LCK: variants seen among roughly 807,000 people sequenced by gnomAD.
LCK encodes the protein tyrosine-protein kinase Lck.
A neutral mutation model predicts 64.6 loss-of-function variants in LCK; 14 were observed. The ratio of observed to expected loss-of-function variants is 0.22; its 90% CI spans 0.14 to 0.34. The LOEUF (loss-of-function observed/expected upper bound fraction) is 0.34, where lower values mean the gene tolerates loss of function less well. Among genes scored for constraint, LCK ranks in the 10% least tolerant of loss-of-function variants. The probability of loss-of-function intolerance (pLI) is 1.00; values close to 1 mark genes in which losing one functional copy is unlikely to be tolerated. For synonymous variants in LCK, 277 were observed against 263.6 expected (o/e 1.05, Z -0.49); for missense variants, 434 against 668.1 (o/e 0.65, Z 3.86).
chr1:32,263,615 T>A (rs1639839536), intron 1 of LCK, among the ~76,000 whole-genome samples: 1 of 152,028 alleles, frequency 6.6e-6, no homozygotes, highest in Admixed American at 6.6e-5. Context: ...GGCTTATGCC[T>A]GTAATCCCAG....
chr1:32,270,347 A>G (rs1640043341), intron 1 of LCK, among the ~76,000 whole-genome samples: 1 of 142,882 alleles, frequency 7.0e-6, no homozygotes. Flanking sequence ...CAGGTGATCC[A>G]CCCACCTTGG....
intron 1 of LCK, among the ~76,000 whole-genome samples, chr1:32,272,814 G>A (rs79979643): frequency 0.12 from 17,619 of 149,922 alleles, 1,229 homozygotes; most frequent in Non-Finnish European, 0.16. Context: ...GTGTGTGTGA[G>A]TGTGGGTGTG....
Position 32,276,446 on chromosome 1 carries a change from G to C in LCK, c.741G>C (p.Leu247=). Reference sequence around the variant, plus strand: ...AGGTTCCCAGGGAGACGCTGAAGCTGGTGGAGCGGCTGGGGGCTGGACAGT... The same window carrying C: ...AGGTTCCCAGGGAGACGCTGAAGCTCGTGGAGCGGCTGGGGGCTGGACAGT... ...EWEVPRETLK[L]VERLGAGQFG... The change falls in exon 8 of 13, where the codon CTG becomes CTC. Residue 247 remains leucine, a synonymous_variant. Transcript: ENST00000336890. This position sits in a 1 kb window ranked among gnomAD's most constrained non-coding sequence, Gnocchi z 4.6. 1 of 1,613,030 alleles carries C rather than the reference G, an allele frequency of 6.2e-7. No homozygotes were observed. Among genetic ancestry groups the C allele is most frequent in the African/African-American group, 1.3e-5 (1 of 75,018 alleles).
intron 12 of LCK, 21 bp downstream of exon 12, chr1:32,280,231 C>G: frequency 6.2e-7 from 1 of 1,613,636 alleles, no homozygotes; most frequent in East Asian, 2.2e-5. Context: ...AGGGCAGGAA[C>G]TGAAAGGGTG....
rs549950952 is a variant in LCK, at chr1:32,262,194, G to A, written c.-6+10823G>A. 1.5e-4 allele frequency among the ~76,000 whole-genome samples: 21 copies of A among 142,232 alleles called. 1 individual carries two copies. The highest frequency in any genetic ancestry group is 4.9e-4 in the African/African-American group (19 of 38,958). The allele number at this position is 142,232 out of a possible 152,430, so 93.3% of individuals were successfully genotyped here. ...CCACGGCCCCCGGTAGCCGGACGCC[G>A]GCCACTAATTATATAGCTGAGCATG... On this transcript the variant is annotated intron_variant, in intron 1 of 12. Coordinates refer to ENST00000336890, the MANE Select transcript of LCK (RefSeq NM_005356.5).
At chr1:32,282,418 A>T (rs1569975085) in intron 12 of LCK, among the ~76,000 whole-genome samples, 1 of 152,194 alleles carries the variant, frequency 6.6e-6, no homozygotes, top group African/African-American at 2.4e-5. Context: ...ACCCAAAAAA[A>T]CAGATCTTTT....
rs1171182551 is a variant in LCK at position 32,275,460 on chromosome 1, T to C, written c.377+41T>C. On this transcript the variant is annotated intron_variant, in intron 5 of 12. Transcript: ENST00000336890. This position sits in a 1 kb window ranked among gnomAD's most constrained non-coding sequence, Gnocchi z 6.9. Reference sequence around the variant, plus strand: ...TCGTGGGGGTGGGTAGGAGCAGATCTAGGGATCCTGGAGCAGGGAGTAGGC... The same window carrying C: ...TCGTGGGGGTGGGTAGGAGCAGATCCAGGGATCCTGGAGCAGGGAGTAGGC... 1.2e-6 allele frequency: 2 copies of C among 1,601,840 alleles called. No homozygotes were observed. Among genetic ancestry groups the C allele is most frequent in the African/African-American group, 2.7e-5 (2 of 74,630 alleles).
rs770430504 is a variant in LCK, at chr1:32,280,443, C to CTT, written c.1327+262_1327+263dup. ...TTTCTTTTTCTCTTTTTTTCTTTTT[C>CTT]TTTTTTTTTTTTTTTTTTTTTTTTT... On this transcript the variant is annotated intron_variant, in intron 12 of 12. Transcript: ENST00000336890. Among the ~76,000 whole-genome samples, 133 of 84,758 alleles carry CTT rather than the reference C, an allele frequency of 1.6e-3. 8 individuals are homozygous for CTT. Among genetic ancestry groups the CTT allele is most frequent in the South Asian group, 4.4e-3 (10 of 2,266 alleles). The allele number at this position is 84,758 out of a possible 152,430, so 55.6% of individuals were successfully genotyped here. A position where few individuals can be genotyped will look rare whatever the true frequency, so the allele number is the denominator to read the frequency against.
In LCK at chr1:32,275,695, C is replaced by G. The variant is rs775231665; in HGVS notation, c.481+23C>G. ...CGGGTGAGCGGGCGGCGGTCTCGAC[C>G]GGGCGCGGGGGTGCCCCGGGGTGTG... On this transcript the variant is annotated intron_variant, in intron 6 of 12. Transcript: ENST00000336890. This position sits in a 1 kb window ranked among gnomAD's most constrained non-coding sequence, Gnocchi z 6.9. 26 of 1,544,528 alleles carry G rather than the reference C, an allele frequency of 1.7e-5. No individual in the cohort carries two copies. The highest frequency in any genetic ancestry group is 1.9e-5 in the Admixed American group (1 of 51,344).
intron 1 of LCK, among the ~76,000 whole-genome samples, chr1:32,259,289 T>TAAAAAAAAAAA (rs10656936): frequency 1.6e-5 from 2 of 124,204 alleles, no homozygotes; most frequent in Non-Finnish European, 3.2e-5. Flanking sequence ...GCTTCTCAGG[T>TAAAAAAAAAAA]AAAAAAAAAA....
At chr1:32,253,646 G>A (rs1639560830) in intron 1 of LCK, among the ~76,000 whole-genome samples, 1 of 152,166 alleles carries the variant, frequency 6.6e-6, no homozygotes, top group Non-Finnish European at 1.5e-5. Context: ...GCACCAAAGG[G>A]AGGGCTGTCC....
rs1053218137 is a variant in LCK at position 32,275,158 on chromosome 1, G to A, written c.278+75G>A. The A allele has an allele frequency of 5.3e-6, 8 of 1,503,242 alleles. No homozygotes were observed. In the East Asian group the frequency reaches 1.1e-4, roughly 21 times the overall value. The allele number at this position is 1,503,242 out of a possible 1,614,324, so 93.1% of individuals were successfully genotyped here. A position where few individuals can be genotyped will look rare whatever the true frequency, so the allele number is the denominator to read the frequency against. On this transcript the variant is annotated intron_variant, in intron 4 of 12. Transcript: ENST00000336890. The surrounding 1 kb of genome is among the most constrained non-coding windows in gnomAD (Gnocchi z 6.9). ...TCTCCGCGACCCGCAGCCCTCCTGCGGCCCTTGACCAGCTCGGGGTGGCCG... is the reference window on the plus strand; with the variant it reads ...TCTCCGCGACCCGCAGCCCTCCTGCAGCCCTTGACCAGCTCGGGGTGGCCG...
In LCK at chr1:32,266,028, C is replaced by G. The variant is rs182177035; in HGVS notation, c.-5-8297C>G. 2.0e-5 allele frequency among the ~76,000 whole-genome samples: 3 copies of G among 152,266 alleles called. 1 individual carries two copies. Among genetic ancestry groups the G allele is most frequent in the Admixed American group, 2.0e-4 (3 of 15,282 alleles). ...AGGCTGGAGTGCAGTGGCGTGTTCA[C>G]GGCTCACTGCCGCCTCAACCTCCCA... On this transcript the variant is annotated intron_variant, in intron 1 of 12. Coordinates refer to ENST00000336890, the MANE Select transcript of LCK (RefSeq NM_005356.5).
rs1238974622 is a variant in LCK at position 32,276,053 on chromosome 1, C to T, written c.621C>T (p.Arg207=). Residue 207 remains arginine, a synonymous_variant, in exon 7 of 13, where the codon CGC becomes CGT. Coordinates refer to ENST00000336890, the MANE Select transcript of LCK (RefSeq NM_005356.5). The surrounding 1 kb of genome is among the most constrained non-coding windows in gnomAD (Gnocchi z 4.6). ...TTCCCGGCCTGCATGAACTGGTCCG[C>T]CATTACACCAGTGAGCCCGACGGGA... ...ITFPGLHELV[R]HYTNASDGLC... 2 of 1,613,978 alleles carry T rather than the reference C, an allele frequency of 1.2e-6. No homozygotes were observed. The highest frequency in any genetic ancestry group is 1.7e-6 in the Non-Finnish European group (2 of 1,180,020).
intron 1 of LCK, among the ~76,000 whole-genome samples, chr1:32,256,403 C>T (rs916149835): frequency 3.3e-5 from 5 of 152,050 alleles, no homozygotes; most frequent in Non-Finnish European, 7.4e-5. Context: ...TTGAAACCAG[C>T]CTGGCCAACA....
rs1322774027 is a variant in LCK at position 32,272,640 on chromosome 1, AGAGAGAGAGC to A, written c.-5-1677_-5-1668del. Among the ~76,000 whole-genome samples, 320 of 137,174 alleles carry A rather than the reference AGAGAGAGAGC, an allele frequency of 2.3e-3. 4 individuals are homozygous for A. Among genetic ancestry groups the A allele is most frequent in the African/African-American group, 9.9e-3 (277 of 27,906 alleles). 90.0% of individuals were successfully genotyped at this position (137,174 alleles called of 152,430 possible). ...GAGAGAGAAAGAGAGAGAGAGAGAG[AGAGAGAGAGC>A]GAGAGAGCGCACGCATTTCAAAGCA... On this transcript the variant is annotated intron_variant, in intron 1 of 12. Transcript: ENST00000336890.
At chr1:32,260,016 T>C (rs980709691) in intron 1 of LCK, among the ~76,000 whole-genome samples, 13 of 148,238 alleles carry the variant, frequency 8.8e-5, no homozygotes, top group Non-Finnish European at 1.6e-4. Flanking sequence ...AATGATTCAT[T>C]TTTTTTTAAT....
rs1126767 is a variant in LCK, at chr1:32,275,918, G to T, written c.486G>T (p.Ser162=). ...TCCATCCATTCATTCATTCAGGATCGTTTTCACTGTCGGTCCGGGACTTCG... is the reference window on the plus strand; with the variant it reads ...TCCATCCATTCATTCATTCAGGATCTTTTTCACTGTCGGTCCGGGACTTCG... The part of the protein sequence containing the change: ...LIRESESTAG[S]FSLSVRDFDQ... Residue 162 remains serine (S), a synonymous_variant, in exon 7 of 13, where the codon TCG becomes TCT. Transcript: ENST00000336890. The surrounding 1 kb of genome is among the most constrained non-coding windows in gnomAD (Gnocchi z 6.9). The T allele has an allele frequency of 3.7e-6, 6 of 1,614,122 alleles. No individual in the cohort carries two copies. Among genetic ancestry groups the T allele is most frequent in the Non-Finnish European group, 5.1e-6 (6 of 1,179,988 alleles).
chr1:32,259,465 C>T (rs1019252235), intron 1 of LCK, among the ~76,000 whole-genome samples: 1 of 151,696 alleles, frequency 6.6e-6, no homozygotes, highest in African/African-American at 2.4e-5. Context: ...ACTAAAAATA[C>T]AAACATTAGC....
Sources: allele counts gnomAD v4.1 joint callset (sites outside exome capture counted in the v4.1 genomes callset), GRCh38; gene constraint gnomAD v4.1.1; non-coding constraint Gnocchi (gnomAD v3.1); transcripts MANE v1.5; gene names NCBI Gene and HGNC (gene_info 2026-07-23, HGNC 2026-07-21).